GMEB2: variants seen among roughly 807,000 people sequenced by gnomAD.
GMEB2 encodes glucocorticoid modulatory element-binding protein 2.
In GMEB2, 7 loss-of-function variants were observed where a neutral mutation model predicts 45.7. The ratio of observed to expected loss-of-function variants is 0.15; its 90% CI spans 0.09 to 0.29. The LOEUF is 0.29. Ranked by LOEUF, GMEB2 falls within the 10% of genes least tolerant of loss-of-function variation. The pLI is 1.00. For synonymous variants in GMEB2, 322 were observed against 323.6 expected (o/e 1.00, Z 0.05); for missense variants, 582 against 739.2 (o/e 0.79, Z 2.47).
In GMEB2 at chr20:63,619,473, G is replaced by A. The variant is rs2089631403; in HGVS notation, c.-57-19C>T. 1 of 1,490,852 alleles carries A rather than the reference G, an allele frequency of 6.7e-7. No homozygotes were observed. Among genetic ancestry groups the A allele is most frequent in the Non-Finnish European group, 9.1e-7 (1 of 1,094,690 alleles). 92.4% of individuals were successfully genotyped at this position (1,490,852 alleles called of 1,614,324 possible). A position where few individuals can be genotyped will look rare whatever the true frequency, so the allele number is the denominator to read the frequency against. The stretch of plus-strand genomic sequence containing the variant: ...CCAAGTCCTGGAGGAAGCAAGGCAG[G>A]GCACAGGGATGGAGTCATCTCCACA... On this transcript the variant is annotated intron_variant, in intron 1 of 9. Transcript: ENST00000370077. The surrounding 1 kb of genome is among the most constrained non-coding windows in gnomAD (Gnocchi z 4.6).
Position 63,617,674 on chromosome 20 carries a change from C to T in GMEB2, c.131+1593G>A, listed in dbSNP as rs1339328468. ...CAGCCGCGGCCACGGAGTCACGGCTCGGGTGAGGTGACCTGGACACCATCC... is the reference window on the plus strand; with the variant it reads ...CAGCCGCGGCCACGGAGTCACGGCTTGGGTGAGGTGACCTGGACACCATCC... On this transcript the variant is annotated intron_variant, in intron 2 of 9. Coordinates refer to ENST00000370077, the MANE Select transcript of GMEB2 (RefSeq NM_012384.5). Among the ~76,000 whole-genome samples the T allele has an allele frequency of 2.0e-5, 3 of 152,024 alleles. 1 individual carries two copies. The highest frequency in any genetic ancestry group is 6.3e-3 in the Middle Eastern group (2 of 316).
chr20:63,597,334 T>G (rs191846797), intron 5 of GMEB2, among the ~76,000 whole-genome samples: 1 of 151,956 alleles, frequency 6.6e-6, no homozygotes, highest in Admixed American at 6.6e-5. Flanking sequence ...ATAATTTTTT[T>G]TTTATTTTTA....
chr20:63,597,360 CATT>C (rs1235101200), intron 5 of GMEB2, among the ~76,000 whole-genome samples: 1 of 151,862 alleles, frequency 6.6e-6, no homozygotes, highest in Non-Finnish European at 1.5e-5. Context: ...GATGAGGTCT[CATT>C]ATTGTGCCCA....
intron 2 of GMEB2, among the ~76,000 whole-genome samples, chr20:63,607,204 A>C (rs1156666770): frequency 4.5e-4 from 38 of 83,634 alleles, no homozygotes; most frequent in Non-Finnish European, 5.5e-4. Flanking sequence ...CCTCTGACCC[A>C]CCTCCATTTC....
chr20:63,605,084 C>G (rs1481598580), intron 2 of GMEB2, among the ~76,000 whole-genome samples: 1 of 150,584 alleles, frequency 6.6e-6, no homozygotes, highest in East Asian at 2.0e-4. Flanking sequence ...AACCCCATCT[C>G]TATTTAAAAA....
chr20:63,611,583 C>G (rs1481844353), intron 2 of GMEB2, among the ~76,000 whole-genome samples: 1 of 151,802 alleles, frequency 6.6e-6, no homozygotes, highest in Non-Finnish European at 1.5e-5. Flanking sequence ...CCACTGCACT[C>G]CAGCCTGTGT....
rs544962738 is a variant in GMEB2, at chr20:63,590,036, C to T, written c.*53G>A. The T allele has an allele frequency of 1.4e-4, 208 of 1,453,340 alleles. No individual in the cohort carries two copies. Among genetic ancestry groups the T allele is most frequent in the Non-Finnish European group, 1.6e-4 (176 of 1,099,030 alleles). The allele number at this position is 1,453,340 out of a possible 1,614,324, so 90.0% of individuals were successfully genotyped here. A position where few individuals can be genotyped will look rare whatever the true frequency, so the allele number is the denominator to read the frequency against. ...GGCCTCTGCCCGCTCCCTGCTGCCG[C>T]GGCTGAGAGACAGCCAGCCCTGTCC... On this transcript the variant is annotated 3_prime_UTR_variant, in exon 10 of 10. Coordinates refer to ENST00000370077, the MANE Select transcript of GMEB2 (RefSeq NM_012384.5).
chr20:63,622,406 G>A (rs185978194), intron 1 of GMEB2, among the ~76,000 whole-genome samples: 7 of 152,236 alleles, frequency 4.6e-5, no homozygotes, highest in Non-Finnish European at 8.8e-5. Flanking sequence ...CTGAACAATC[G>A]ATCACAAAAT....
Position 63,625,045 on chromosome 20 carries a change from CAA to C in GMEB2, c.-58+1909_-58+1910del, listed in dbSNP as rs1293182643. On this transcript the variant is annotated intron_variant, in intron 1 of 9. Coordinates refer to ENST00000370077, the MANE Select transcript of GMEB2 (RefSeq NM_012384.5). Reference sequence around the variant, plus strand: ...TATTAAAGGTTCAAAGCAATATGCACAAAAGTTACCTCACAGAAAATAGTGCA... The same window carrying C: ...TATTAAAGGTTCAAAGCAATATGCACAAGTTACCTCACAGAAAATAGTGCA... Among the ~76,000 whole-genome samples, 21 of 152,268 alleles carry C rather than the reference CAA, an allele frequency of 1.4e-4. No homozygotes were observed. In the East Asian group the frequency reaches 2.5e-3, roughly 18 times the overall value.
chr20:63,604,220 GT>G (rs1243282081), intron 3 of GMEB2, among the ~76,000 whole-genome samples: 3 of 86,320 alleles, frequency 3.5e-5, no homozygotes, highest in East Asian at 5.5e-4. Flanking sequence ...AAAAAAAAAA[GT>G]TTTTTAATTA....
chr20:63,595,655 G>A lies in GMEB2; in HGVS notation c.574C>T (p.Pro192Ser). 2 of 1,613,754 alleles carry A rather than the reference G, an allele frequency of 1.2e-6. No homozygotes were observed. The highest frequency in any genetic ancestry group is 1.7e-6 in the Non-Finnish European group (2 of 1,179,818). Residue 192 changes from proline (P) to serine (S), a missense_variant, in exon 6 of 10, where the codon CCC becomes TCC. Physicochemically the swap from Pro to Ser is moderately conservative, Grantham distance 74. This residue lies in a region of GMEB2 where 462 missense variants were observed against 586.7 expected (regional missense o/e 0.79). Transcript: ENST00000370077. ...LSGARVSLSS[P>S]TSAEYIPLTP... ...AGGGGAATGTACTCGGCCGACGTGGGGCTGCTCAGGGACACACGGGCTCCT... is the reference window on the plus strand; with the variant it reads ...AGGGGAATGTACTCGGCCGACGTGGAGCTGCTCAGGGACACACGGGCTCCT...
chr20:63,616,014 A>T (rs2089605966), intron 2 of GMEB2, among the ~76,000 whole-genome samples: 2 of 152,160 alleles, frequency 1.3e-5, no homozygotes. Flanking sequence ...GCTTATCAGT[A>T]TTTTCTAATT....
chr20:63,590,542 G>A lies in GMEB2; in HGVS notation c.1140C>T (p.Ala380=). 1 of 1,536,934 alleles carries A rather than the reference G, an allele frequency of 6.5e-7. No individual in the cohort carries two copies. Among genetic ancestry groups the A allele is most frequent in the Middle Eastern group, 1.7e-4 (1 of 5,756 alleles). Residue 380 remains alanine, a synonymous_variant, in exon 10 of 10, where the codon GCC becomes GCT. Coordinates refer to ENST00000370077, the MANE Select transcript of GMEB2 (RefSeq NM_012384.5). ...AMASQVLTQS[A]QLALGPGVPV... ...GCACGCCCGGGCCAAGCGCCAGCTG[G>A]GCAGACTGGGTGAGCACCTGCGAGG...
At position 63,593,689 on chromosome 20, in the gene GMEB2, C is replaced by A. The variant is rs1053794304; in HGVS notation, c.620-607G>T. On this transcript the variant is annotated intron_variant, in intron 6 of 9. Transcript: ENST00000370077. This position sits in a 1 kb window ranked among gnomAD's most constrained non-coding sequence, Gnocchi z 4.7. ...GTCGTTCATATGTGGCCATTTTGGG[C>A]GTTGCTGATAGAGACTTTATACACA... Among the ~76,000 whole-genome samples the A allele has an allele frequency of 1.4e-5, 2 of 147,246 alleles. No individual in the cohort carries two copies. Among genetic ancestry groups the A allele is most frequent in the Non-Finnish European group, 2.9e-5 (2 of 67,970 alleles).
intron 2 of GMEB2, among the ~76,000 whole-genome samples, chr20:63,606,557 C>T (rs1199799096): frequency 6.6e-6 from 1 of 152,148 alleles, no homozygotes; most frequent in African/African-American, 2.4e-5. Flanking sequence ...CTGTGTTAAC[C>T]AGGATGGTCT....
intron 4 of GMEB2, among the ~76,000 whole-genome samples, chr20:63,598,339 CTCTG>C (rs2083215187): frequency 8.0e-6 from 1 of 124,914 alleles, no homozygotes; most frequent in African/African-American, 3.2e-5. Context: ...CCTGCTCTCA[CTCTG>C]ACACACACAC....
intron 2 of GMEB2, among the ~76,000 whole-genome samples, chr20:63,609,937 T>A (rs2089556475): frequency 6.6e-6 from 1 of 151,506 alleles, no homozygotes; most frequent in Admixed American, 6.6e-5. Flanking sequence ...CCACCTCCAT[T>A]TCTAGAAACA....
At chr20:63,623,777 GAC>G (rs2089653508) in intron 1 of GMEB2, among the ~76,000 whole-genome samples, 1 of 150,814 alleles carries the variant, frequency 6.6e-6, no homozygotes, top group South Asian at 2.1e-4. Flanking sequence ...AAGCCTGGGT[GAC>G]AGAGTGAGAC....
chr20:63,607,872 C>T (rs1301443091), intron 2 of GMEB2, among the ~76,000 whole-genome samples: 1 of 12,990 alleles, frequency 7.7e-5, no homozygotes, highest in South Asian at 2.0e-3. Context: ...TAGAAACATG[C>T]CCCTGTGACC....
Sources: allele counts gnomAD v4.1 joint callset (sites outside exome capture counted in the v4.1 genomes callset), GRCh38; gene constraint gnomAD v4.1.1; regional missense constraint gnomAD v4.1.1; non-coding constraint Gnocchi (gnomAD v3.1); transcripts MANE v1.5; gene names NCBI Gene and HGNC (gene_info 2026-07-23, HGNC 2026-07-21).